Variants in STK10 observed in about 807,000 individuals in gnomAD.
STK10 encodes the protein serine/threonine-protein kinase 10.
In STK10, 78 loss-of-function variants were observed where a neutral mutation model predicts 113.8. That is an observed-to-expected ratio of 0.69 (90% confidence interval 0.57 to 0.83). The LOEUF is 0.83. Among genes scored for constraint, STK10 ranks in the 40% least tolerant of loss-of-function variants. The pLI is 0.00. For synonymous variants in STK10, 465 were observed against 494.7 expected (o/e 0.94, Z 0.80); for missense variants, 1,109 against 1,280.1 (o/e 0.87, Z 2.04).
At chr5:172,156,405 A>G (rs1770348692) in intron 2 of STK10, among the ~76,000 whole-genome samples, 1 of 152,240 alleles carries the variant, frequency 6.6e-6, no homozygotes, top group Non-Finnish European at 1.5e-5. Flanking sequence ...GCCAGGCCAT[A>G]GCGCTTTCTG....
At chr5:172,109,406 T>TC (rs2113768231) in intron 4 of STK10, among the ~76,000 whole-genome samples, 1 of 151,522 alleles carries the variant, frequency 6.6e-6, no homozygotes, top group East Asian at 1.9e-4. Flanking sequence ...CACTGCAGCC[T>TC]CAACCTCCCA....
At chr5:172,123,411 A>AC (rs1483788682) in intron 3 of STK10, among the ~76,000 whole-genome samples, 11 of 152,134 alleles carry the variant, frequency 7.2e-5, no homozygotes, top group African/African-American at 2.7e-4. Flanking sequence ...GGAGCCAGAG[A>AC]AGGGTTTGTC....
At chr5:172,164,865 C>T (rs1052982193) in intron 1 of STK10, among the ~76,000 whole-genome samples, 2 of 152,222 alleles carry the variant, frequency 1.3e-5, no homozygotes, top group Non-Finnish European at 1.5e-5. Flanking sequence ...CGGGTTCCGG[C>T]GCACGATGAG....
In STK10 at chr5:172,044,894, C is replaced by T. The variant is rs114484155; in HGVS notation, c.2895G>A (p.Ala965=). The T allele has an allele frequency of 1.3e-3, 2,064 of 1,614,194 alleles. 21 individuals are homozygous for T. In the African/African-American group the frequency reaches 0.019, roughly 15 times the overall value. The change falls in exon 19 of 19, where the codon GCG becomes GCA. Residue 965 remains alanine (A), a synonymous_variant. Coordinates refer to ENST00000176763, the MANE Select transcript of STK10 (RefSeq NM_005990.4). The surrounding 1 kb of genome is among the most constrained non-coding windows in gnomAD (Gnocchi z 4.5). ...CCCCGGGCGGTTGTTAAGAAGCATC[C>T]GCAGAACTGTAGGGGAAGAACTTGG... ...KAAKFFPYSS[A]DAS
chr5:172,102,004 T>C (rs1189306183), intron 7 of STK10, among the ~76,000 whole-genome samples: 2 of 151,904 alleles, frequency 1.3e-5, no homozygotes, highest in East Asian at 3.9e-4. Flanking sequence ...TAAGGGGCCC[T>C]GAGACTCTGG....
intron 1 of STK10, among the ~76,000 whole-genome samples, chr5:172,172,605 T>C (rs778919591): frequency 2.0e-5 from 3 of 152,088 alleles, no homozygotes; most frequent in Non-Finnish European, 2.9e-5. Context: ...TTCAGAGGGG[T>C]GACATCACTT....
intron 10 of STK10, among the ~76,000 whole-genome samples, chr5:172,088,173 G>C (rs948845206): frequency 6.6e-6 from 1 of 152,118 alleles, no homozygotes; most frequent in Non-Finnish European, 1.5e-5. Context: ...GCCTCCCAAA[G>C]TGCTGAAATT....
chr5:172,071,178 C>T lies in STK10; in HGVS notation c.1990-6366G>A, dbSNP rs192037968. Among the ~76,000 whole-genome samples, 8 of 126,016 alleles carry T rather than the reference C, an allele frequency of 6.3e-5. No homozygotes were observed. The East Asian group carries it at 1.6e-3, about 26-fold the overall frequency. 82.7% of individuals were successfully genotyped at this position (126,016 alleles called of 152,430 possible). On this transcript the variant is annotated intron_variant, in intron 12 of 18. Transcript: ENST00000176763. Reference sequence around the variant, plus strand: ...GAGCTGAGATTGCACCACTGCTCTCCAGCCTGGGCGACAGAGTGAGACGCT... The same window carrying T: ...GAGCTGAGATTGCACCACTGCTCTCTAGCCTGGGCGACAGAGTGAGACGCT...
intron 12 of STK10, among the ~76,000 whole-genome samples, chr5:172,075,017 T>C (rs369510531): frequency 7.0e-5 from 10 of 141,930 alleles, no homozygotes; most frequent in African/African-American, 2.6e-4. Flanking sequence ...GAGACTCCAT[T>C]AAAAAAAAAA....
intron 18 of STK10, among the ~76,000 whole-genome samples, chr5:172,046,666 G>A (rs551738878): frequency 5.9e-5 from 9 of 152,122 alleles, no homozygotes; most frequent in African/African-American, 2.2e-4. Flanking sequence ...CAGAGTCAGC[G>A]ATCTTTTTTC....
At chr5:172,176,516 G>C (rs995997446) in intron 1 of STK10, among the ~76,000 whole-genome samples, 2 of 152,098 alleles carry the variant, frequency 1.3e-5, no homozygotes, top group African/African-American at 4.8e-5. Context: ...CCTCCATTCA[G>C]CATGGACCAC....
At chr5:172,059,793 GC>G (rs1373791682) in intron 14 of STK10, among the ~76,000 whole-genome samples, 1 of 152,084 alleles carries the variant, frequency 6.6e-6, no homozygotes, top group African/African-American at 2.4e-5. Context: ...TTGTCAAAAT[GC>G]CCCCCAAGCA....
chr5:172,150,689 A>T (rs1451661205), intron 2 of STK10, among the ~76,000 whole-genome samples: 1 of 152,098 alleles, frequency 6.6e-6, no homozygotes, highest in Non-Finnish European at 1.5e-5. Flanking sequence ...CAGGACTACA[A>T]GCCACAAAAA....
intron 10 of STK10, among the ~76,000 whole-genome samples, chr5:172,088,291 C>T (rs895645044): frequency 3.3e-5 from 5 of 151,944 alleles, no homozygotes; most frequent in East Asian, 1.9e-4. Flanking sequence ...TTTGGGAGGC[C>T]GAGGTGGGCG....
At position 172,083,417 on chromosome 5, in the gene STK10, T is replaced by C. The variant is rs1043326142; in HGVS notation, c.1686-333A>G. Among the ~76,000 whole-genome samples, 45 of 152,270 alleles carry C rather than the reference T, an allele frequency of 3.0e-4. 1 individual carries two copies. The highest frequency in any genetic ancestry group is 1.0e-3 in the African/African-American group (43 of 41,558). The stretch of plus-strand genomic sequence containing the variant: ...TAAAATACAAATGAAAAAGAAACTA[T>C]AATTTCTTGATGTAGAAAACATAAT... On this transcript the variant is annotated intron_variant, in intron 10 of 18. Coordinates refer to ENST00000176763, the MANE Select transcript of STK10 (RefSeq NM_005990.4).
chr5:172,084,398 C>T (rs941695180), intron 10 of STK10, among the ~76,000 whole-genome samples: 3 of 135,124 alleles, frequency 2.2e-5, no homozygotes, highest in Non-Finnish European at 4.6e-5. Context: ...AAAATTCTGT[C>T]TCAAAATAAT....
intron 1 of STK10, among the ~76,000 whole-genome samples, chr5:172,178,558 A>G (rs2172048): frequency 0.53 from 80,423 of 152,050 alleles, 23,231 homozygotes; most frequent in African/African-American, 0.78. Flanking sequence ...TACCCGCTGT[A>G]TGAGCTACTC....
intron 2 of STK10, among the ~76,000 whole-genome samples, chr5:172,155,564 A>G (rs976818800): frequency 1.1e-4 from 16 of 152,056 alleles, no homozygotes; most frequent in African/African-American, 3.9e-4. Context: ...AAAGATGTCC[A>G]TCACAGAGTT....
intron 4 of STK10, among the ~76,000 whole-genome samples, chr5:172,110,712 G>A (rs1769220026): frequency 6.6e-6 from 1 of 152,146 alleles, no homozygotes; most frequent in Non-Finnish European, 1.5e-5. Context: ...CAGTTACAAA[G>A]CCTCTGAGCC....
Sources: allele counts gnomAD v4.1 joint callset (sites outside exome capture counted in the v4.1 genomes callset), GRCh38; gene constraint gnomAD v4.1.1; non-coding constraint Gnocchi (gnomAD v3.1); transcripts MANE v1.5; gene names NCBI Gene and HGNC (gene_info 2026-07-23, HGNC 2026-07-21).